The following PDZRN4 variants were observed in gnomAD, a reference collection of about 807,000 sequenced individuals.
PDZRN4 encodes the protein PDZ domain containing ring finger 4.
Under a neutral mutation model 99.0 loss-of-function variants are expected in PDZRN4, and 70 were observed. The observed-to-expected ratio is 0.71, with a 90% CI of 0.58 to 0.86. The LOEUF (loss-of-function observed/expected upper bound fraction) is 0.86. Among genes scored for constraint, PDZRN4 ranks in the 40% least tolerant of loss-of-function variants. PDZRN4 has a pLI of 0.00. For missense variants in PDZRN4, 1,474 were observed against 1,331.2 expected, an observed-to-expected ratio of 1.11 and a Z score of -1.67; for synonymous variants, 551 against 501.6, an observed-to-expected ratio of 1.10 and a Z score of -1.32.
intron 3 of PDZRN4, among the ~76,000 whole-genome samples, chr12:41,354,384 T>A (rs1257248574): frequency 6.6e-6 from 1 of 151,964 alleles, no homozygotes; most frequent in Non-Finnish European, 1.5e-5. Flanking sequence ...AGGATGCAAG[T>A]GTCCGTTGAG....
chr12:41,303,613 AG>A (rs1565546426), intron 3 of PDZRN4, among the ~76,000 whole-genome samples: 3 of 152,172 alleles, frequency 2.0e-5, no homozygotes, highest in Non-Finnish European at 4.4e-5. Flanking sequence ...TAAATGTTGG[AG>A]GAGCTATGTC....
chr12:41,513,492 TA>T (rs1351297915), intron 5 of PDZRN4, among the ~76,000 whole-genome samples: 1 of 152,102 alleles, frequency 6.6e-6, no homozygotes, highest in Non-Finnish European at 1.5e-5. Context: ...TTAAAAATGA[TA>T]AATGAGTTTA....
chr12:41,228,171 A>G (rs1277569806), intron 3 of PDZRN4, among the ~76,000 whole-genome samples: 1 of 152,138 alleles, frequency 6.6e-6, no homozygotes, highest in Non-Finnish European at 1.5e-5. Context: ...GTTATGAACA[A>G]TCCTCCTCCG....
intron 3 of PDZRN4, chr12:41,478,021 T>C: frequency 2.7e-6 from 2 of 735,186 alleles, no homozygotes. Flanking sequence ...GTGGCTGCTT[T>C]GGTCTTTGTG....
rs759141742 is a variant in PDZRN4 at position 41,194,207 on chromosome 12, A to G, written c.843+19A>G. ...CATGGAGGTAAGACAATGATAAAAC[A>G]TGTATATGATCCATGCAAGAAAGAT... On this transcript the variant is annotated intron_variant, in intron 3 of 9. Coordinates refer to ENST00000402685, the MANE Select transcript of PDZRN4 (RefSeq NM_001164595.2). 9.6e-7 allele frequency: 1 copy of G among 1,042,250 alleles called. No homozygotes were observed. 64.6% of individuals were successfully genotyped at this position (1,042,250 alleles called of 1,614,324 possible).
At chr12:41,283,206 C>A (rs952561294) in intron 3 of PDZRN4, among the ~76,000 whole-genome samples, 1 of 152,054 alleles carries the variant, frequency 6.6e-6, no homozygotes. Flanking sequence ...CACAGAAATA[C>A]AAACTACCGT....
At chr12:41,209,494 G>A (rs557035946) in intron 3 of PDZRN4, among the ~76,000 whole-genome samples, 3 of 75,750 alleles carry the variant, frequency 4.0e-5, no homozygotes, top group Non-Finnish European at 5.3e-5. Flanking sequence ...TATCCCTCCC[G>A]CCTCCCCCCA....
At chr12:41,451,820 G>A (rs146314214) in intron 3 of PDZRN4, among the ~76,000 whole-genome samples, 49 of 152,016 alleles carry the variant, frequency 3.2e-4, no homozygotes, top group Non-Finnish European at 6.3e-4. Flanking sequence ...ACTGCTCTGG[G>A]GTGCTTTCCT....
intron 3 of PDZRN4, among the ~76,000 whole-genome samples, chr12:41,207,531 T>A (rs1260411709): frequency 6.6e-6 from 1 of 151,810 alleles, no homozygotes; most frequent in African/African-American, 2.4e-5. Flanking sequence ...CTTACTGTAA[T>A]TCATAAATAA....
intron 3 of PDZRN4, among the ~76,000 whole-genome samples, chr12:41,483,078 G>A (rs1937702774): frequency 6.6e-6 from 1 of 151,798 alleles, no homozygotes; most frequent in Admixed American, 6.6e-5. Context: ...GAATTTTTCA[G>A]GAGACATAAT....
intron 3 of PDZRN4, among the ~76,000 whole-genome samples, chr12:41,264,020 A>G (rs1463723038): frequency 6.6e-6 from 1 of 152,186 alleles, no homozygotes; most frequent in Non-Finnish European, 1.5e-5. Flanking sequence ...AATTTCAGCA[A>G]TATTTGAAAA....
intron 3 of PDZRN4, among the ~76,000 whole-genome samples, chr12:41,350,091 G>A (rs145147892): frequency 1.2e-3 from 188 of 152,058 alleles, no homozygotes; most frequent in African/African-American, 4.4e-3. Context: ...CATCAGTTTG[G>A]TGAATGTATC....
In PDZRN4 at chr12:41,373,553, C is replaced by G. The variant is rs186895567; in HGVS notation, c.844-132903C>G. Among the ~76,000 whole-genome samples, 4 of 152,248 alleles carry G rather than the reference C, an allele frequency of 2.6e-5. No individual in the cohort carries two copies. In the East Asian group the frequency reaches 7.7e-4, roughly 29 times the overall value. Reference sequence around the variant, plus strand: ...TATGGCCCTCTTCTGCCTGGCTCACCAGCAGTCAGAGTTTAAGGTTCTCTC... The same window carrying G: ...TATGGCCCTCTTCTGCCTGGCTCACGAGCAGTCAGAGTTTAAGGTTCTCTC... On this transcript the variant is annotated intron_variant, in intron 3 of 9. Coordinates refer to ENST00000402685, the MANE Select transcript of PDZRN4 (RefSeq NM_001164595.2).
At chr12:41,536,886 T>C (rs1263951338) in intron 5 of PDZRN4, among the ~76,000 whole-genome samples, 1 of 152,192 alleles carries the variant, frequency 6.6e-6, no homozygotes, top group Admixed American at 6.5e-5. Context: ...AAAAGAAGCA[T>C]CATTAGCTGT....
At chr12:41,521,148 T>C (rs1938486471) in intron 5 of PDZRN4, among the ~76,000 whole-genome samples, 1 of 152,140 alleles carries the variant, frequency 6.6e-6, no homozygotes. Context: ...GTGCTTTCAT[T>C]TCATTGTTCT....
At chr12:41,537,992 C>T (rs1938778422) in intron 5 of PDZRN4, among the ~76,000 whole-genome samples, 1 of 152,082 alleles carries the variant, frequency 6.6e-6, no homozygotes, top group African/African-American at 2.4e-5. Flanking sequence ...CAATCAAATT[C>T]CACTGTTTTC....
intron 5 of PDZRN4, among the ~76,000 whole-genome samples, chr12:41,534,482 T>C (rs1019663562): frequency 6.6e-6 from 1 of 152,092 alleles, no homozygotes; most frequent in Non-Finnish European, 1.5e-5. Context: ...TGTGTGTTGT[T>C]CCCCTCCCTG....
intron 8 of PDZRN4, 132 bp downstream of exon 8, chr12:41,563,781 A>G: frequency 1.5e-6 from 1 of 657,542 alleles, no homozygotes; most frequent in Middle Eastern, 3.0e-4. Context: ...ATCTCTCCCC[A>G]TATAACCCAC....
chr12:41,506,550 G>C lies in PDZRN4; in HGVS notation c.938G>C (p.Arg313Pro). 6.2e-7 allele frequency: 1 copy of C among 1,613,716 alleles called. No homozygotes were observed. Among genetic ancestry groups the C allele is most frequent in the African/African-American group, 1.3e-5 (1 of 74,980 alleles). The part of the protein sequence containing the change: ...KEPIVVQVLR[R>P]TPLSRPAYGM... ...CCCATTGTGGTGCAGGTGTTAAGGC[G>C]AACACCTCTTAGTAGACCAGCCTAT... Residue 313 changes from arginine to proline, a missense_variant, in exon 4 of 10, where the codon CGA (arginine) becomes CCA (proline). By Grantham distance (103) the Arg-to-Pro change is moderately radical. Transcript: ENST00000402685.
Sources: gnomAD v4.1 joint callset for allele counts (sites outside exome capture counted in the v4.1 genomes callset) on GRCh38, gnomAD v4.1.1 for gene constraint, MANE v1.5 for transcripts, NCBI Gene and HGNC (gene_info 2026-07-23, HGNC 2026-07-21) for gene names.